The following NALCN variants were observed in gnomAD, a reference collection of about 807,000 sequenced individuals.
The protein encoded by NALCN is sodium leak channel, non-selective.
A neutral mutation model predicts 225.3 loss-of-function variants in NALCN; 111 were observed. The observed-to-expected ratio is 0.49, with a 90% CI of 0.42 to 0.58. The LOEUF (loss-of-function observed/expected upper bound fraction) is 0.58, where lower values mean the gene tolerates loss of function less well. Ranked by LOEUF, NALCN falls within the 20% of genes least tolerant of loss-of-function variation. The pLI is 0.00. For missense variants in NALCN, 1,378 were observed against 2,202.4 expected (o/e 0.63, Z 7.49); for synonymous variants, 764 against 769.0 (o/e 0.99, Z 0.11).
At chr13:101,329,687 C>G (rs941487428) in intron 7 of NALCN, among the ~76,000 whole-genome samples, 1 of 151,978 alleles carries the variant, frequency 6.6e-6, no homozygotes, top group Admixed American at 6.6e-5. Flanking sequence ...AATATAAAAT[C>G]ATAGATGCAT....
chr13:101,312,215 A>T (rs973912168), intron 7 of NALCN, among the ~76,000 whole-genome samples: 47 of 152,090 alleles, frequency 3.1e-4, no homozygotes, highest in African/African-American at 1.0e-3. Flanking sequence ...TATCCCCTTT[A>T]TCATTTTTTA....
intron 7 of NALCN, among the ~76,000 whole-genome samples, chr13:101,330,504 G>A (rs1032492006): frequency 6.6e-6 from 1 of 152,200 alleles, no homozygotes; most frequent in African/African-American, 2.4e-5. Context: ...TCAGAAAAAA[G>A]CAGAATGTTG....
chr13:101,397,091 TATATATATATATATATATAC>T lies in NALCN; in HGVS notation c.109-1746_109-1727del, dbSNP rs1181825066. On this transcript the variant is annotated intron_variant, in intron 2 of 43. Coordinates refer to ENST00000251127, the MANE Select transcript of NALCN (RefSeq NM_052867.4). ...TTATATATATATATATATATATATA[TATATATATATATATATATAC>T]ATACACATACATATATATAATGTGT... 1.2e-3 allele frequency among the ~76,000 whole-genome samples: 74 copies of T among 62,116 alleles called. 3 individuals carry two copies. In the East Asian group the frequency reaches 0.013, roughly 11 times the overall value. 40.8% of individuals were successfully genotyped at this position (62,116 alleles called of 152,430 possible).
intron 31 of NALCN, among the ~76,000 whole-genome samples, 188 bp from the exon 32 acceptor site, chr13:101,083,386 T>C (rs2033764189): frequency 6.6e-6 from 1 of 152,210 alleles, no homozygotes; most frequent in Non-Finnish European, 1.5e-5. Flanking sequence ...CATGATGCCG[T>C]CTATATTGGA....
intron 15 of NALCN, among the ~76,000 whole-genome samples, chr13:101,146,855 T>A (rs933443755): frequency 1.3e-5 from 2 of 151,966 alleles, no homozygotes; most frequent in Admixed American, 6.6e-5. Context: ...GAGACAATGA[T>A]AATAAAATAG....
chr13:101,110,211 AT>A (rs930160098), intron 20 of NALCN, among the ~76,000 whole-genome samples: 36 of 152,322 alleles, frequency 2.4e-4, no homozygotes, highest in African/African-American at 8.7e-4. Flanking sequence ...TAGAAATAAA[AT>A]TTCACTTCCT....
At chr13:101,275,932 C>T (rs1176547277) in intron 10 of NALCN, among the ~76,000 whole-genome samples, 3 of 151,696 alleles carry the variant, frequency 2.0e-5, no homozygotes, top group South Asian at 4.2e-4. Context: ...GGCATGGTGG[C>T]GGGCGCCTGT....
intron 15 of NALCN, among the ~76,000 whole-genome samples, chr13:101,153,667 A>G (rs547568229): frequency 6.6e-6 from 1 of 152,292 alleles, no homozygotes; most frequent in East Asian, 1.9e-4. Flanking sequence ...TGGCAAAGTC[A>G]GCGTATTTCC....
chr13:101,128,748 G>A lies in NALCN; in HGVS notation c.2119-4067C>T, dbSNP rs143228267. ...AAGTAACATTTTTTTTTTTTTAAGAGATGGGGTTTCTTCATGTTGCACAGG... is the reference window on the plus strand; with the variant it reads ...AAGTAACATTTTTTTTTTTTTAAGAAATGGGGTTTCTTCATGTTGCACAGG... On this transcript the variant is annotated intron_variant, in intron 17 of 43. Transcript: ENST00000251127. 4.0e-3 allele frequency among the ~76,000 whole-genome samples: 599 copies of A among 151,070 alleles called. 3 individuals are homozygous for A. Among genetic ancestry groups the A allele is most frequent in the Non-Finnish European group, 6.8e-3 (464 of 67,828 alleles).
chr13:101,175,721 T>C (rs1487043377), intron 15 of NALCN, among the ~76,000 whole-genome samples: 1 of 152,238 alleles, frequency 6.6e-6, no homozygotes, highest in East Asian at 1.9e-4. Flanking sequence ...TGATTGACGA[T>C]AGCTGTAATC....
chr13:101,073,986 A>G (rs2033084427), intron 36 of NALCN, among the ~76,000 whole-genome samples: 1 of 152,158 alleles, frequency 6.6e-6, no homozygotes, highest in Admixed American at 6.5e-5. Context: ...TGGGGCAGCC[A>G]TGTATCTAAT....
intron 11 of NALCN, among the ~76,000 whole-genome samples, chr13:101,248,667 G>A (rs2041972635): frequency 6.6e-6 from 1 of 152,158 alleles, no homozygotes; most frequent in African/African-American, 2.4e-5. Flanking sequence ...ACATCCATGT[G>A]CTGAGAGGGT....
intron 7 of NALCN, among the ~76,000 whole-genome samples, chr13:101,329,083 C>G (rs1176286229): frequency 6.6e-6 from 1 of 152,034 alleles, no homozygotes; most frequent in Non-Finnish European, 1.5e-5. Flanking sequence ...ATGTAAGGAT[C>G]CTAAGTATCT....
intron 37 of NALCN, among the ~76,000 whole-genome samples, chr13:101,069,906 T>C (rs2032723576): frequency 6.6e-6 from 1 of 152,136 alleles, no homozygotes; most frequent in Non-Finnish European, 1.5e-5. Flanking sequence ...CCATTTCTAA[T>C]TCTAGTTCTC....
intron 6 of NALCN, among the ~76,000 whole-genome samples, chr13:101,352,389 G>A (rs2045931440): frequency 6.6e-6 from 1 of 151,992 alleles, no homozygotes; most frequent in African/African-American, 2.4e-5. Flanking sequence ...TTCTAGGGAT[G>A]GAATAAATAG....
chr13:101,364,150 G>C (rs1189588539), intron 6 of NALCN, among the ~76,000 whole-genome samples: 1 of 152,074 alleles, frequency 6.6e-6, no homozygotes, highest in African/African-American at 2.4e-5. Flanking sequence ...GACAGCCACT[G>C]TGAAAAACAG....
intron 3 of NALCN, among the ~76,000 whole-genome samples, chr13:101,383,709 A>C (rs1339589679): frequency 6.6e-6 from 1 of 152,252 alleles, no homozygotes; most frequent in Non-Finnish European, 1.5e-5. Context: ...GCTTCTAAAA[A>C]GAAATTATTC....
At chr13:101,100,037 A>T (rs956932948) in intron 27 of NALCN, among the ~76,000 whole-genome samples, 1 of 152,162 alleles carries the variant, frequency 6.6e-6, no homozygotes, top group Non-Finnish European at 1.5e-5. Flanking sequence ...CTGAAGAAAG[A>T]GAAAGAAACG....
At chr13:101,146,081 A>C (rs547146421) in intron 15 of NALCN, among the ~76,000 whole-genome samples, 16 of 152,318 alleles carry the variant, frequency 1.1e-4, no homozygotes, top group Admixed American at 3.9e-4. Flanking sequence ...AAACATTCCC[A>C]TTTCAATATG....
Sources: gnomAD v4.1 joint callset for allele counts (sites outside exome capture counted in the v4.1 genomes callset) on GRCh38, gnomAD v4.1.1 for gene constraint, MANE v1.5 for transcripts, NCBI Gene and HGNC (gene_info 2026-07-23, HGNC 2026-07-21) for gene names.